The following DLG5 variants were observed in gnomAD, a reference collection of about 807,000 sequenced individuals.
DLG5 encodes the protein disks large homolog 5.
A neutral mutation model predicts 189.8 loss-of-function variants in DLG5; 48 were observed. The ratio of observed to expected loss-of-function variants is 0.25; its 90% CI spans 0.20 to 0.32. The LOEUF (loss-of-function observed/expected upper bound fraction) is 0.32. Ranked by LOEUF, DLG5 falls within the 10% of genes least tolerant of loss-of-function variation. The pLI is 1.00. For synonymous variants in DLG5, 1,016 were observed against 1,054.1 expected (o/e 0.96, Z 0.70); for missense variants, 2,160 against 2,544.7 (o/e 0.85, Z 3.25).
intron 7 of DLG5, among the ~76,000 whole-genome samples, chr10:77,841,049 T>C (rs1843391448): frequency 1.3e-5 from 2 of 152,126 alleles, no homozygotes; most frequent in Non-Finnish European, 2.9e-5. Context: ...AAAGGCAGAA[T>C]AGAGGGATGT....
intron 1 of DLG5, among the ~76,000 whole-genome samples, chr10:77,870,611 G>A (rs951978274): frequency 6.6e-6 from 1 of 152,114 alleles, no homozygotes; most frequent in Non-Finnish European, 1.5e-5. Flanking sequence ...CTAAGCCCAG[G>A]GAAGTCAAGG....
At chr10:77,893,928 G>A (rs369377615) in intron 1 of DLG5, among the ~76,000 whole-genome samples, 16 of 152,144 alleles carry the variant, frequency 1.1e-4, no homozygotes, top group African/African-American at 3.6e-4. Context: ...CGCGTGGCCC[G>A]CATGGGGCCT....
At chr10:77,806,486 G>A (rs1284700240) in intron 26 of DLG5, among the ~76,000 whole-genome samples, 3 of 152,170 alleles carry the variant, frequency 2.0e-5, no homozygotes, top group Non-Finnish European at 4.4e-5. Context: ...CTTTGAGGGA[G>A]CGGCAAGGCA....
intron 20 of DLG5, chr10:77,816,200 A>G (rs1389435237): frequency 1.6e-5 from 9 of 551,114 alleles, no homozygotes; most frequent in Non-Finnish European, 3.1e-5. Flanking sequence ...TAACAATAAT[A>G]ACGACACTGG....
chr10:77,894,233 G>T (rs1369946605), intron 1 of DLG5, among the ~76,000 whole-genome samples: 1 of 152,152 alleles, frequency 6.6e-6, no homozygotes, highest in Non-Finnish European at 1.5e-5. Flanking sequence ...CTGCCTGCCT[G>T]GGAATCCCAG....
chr10:77,816,874 A>G (rs1326853375), intron 19 of DLG5, 133 bp downstream of exon 19: 5 of 1,351,346 alleles, frequency 3.7e-6, no homozygotes, highest in Non-Finnish European at 5.2e-6. Context: ...CACCAGGCCT[A>G]CTGCTGGGCT....
At position 77,848,765 on chromosome 10, in the gene DLG5, G is replaced by A. The variant is rs186875156; in HGVS notation, c.864+4589C>T. Reference sequence around the variant, plus strand: ...ATTAAACTATATGGGTATTAAATGTGACATTAAAAAAAAAATCTACAAGGA... The same window carrying A: ...ATTAAACTATATGGGTATTAAATGTAACATTAAAAAAAAAATCTACAAGGA... On this transcript the variant is annotated intron_variant, in intron 5 of 31. Coordinates refer to ENST00000372391, the MANE Select transcript of DLG5 (RefSeq NM_004747.4). Among the ~76,000 whole-genome samples, 589 of 151,192 alleles carry A rather than the reference G, an allele frequency of 3.9e-3. 2 individuals carry two copies. Among genetic ancestry groups the A allele is most frequent in the Non-Finnish European group, 6.8e-3 (461 of 67,792 alleles).
chr10:77,867,085 T>C, intron 2 of DLG5: 1 of 456,860 alleles, frequency 2.2e-6, no homozygotes, highest in Middle Eastern at 3.3e-4. Context: ...GACGGCTCCA[T>C]CGCAAGGACT....
At chr10:77,811,480 C>A (rs1293735086) in intron 22 of DLG5, among the ~76,000 whole-genome samples, 1 of 152,090 alleles carries the variant, frequency 6.6e-6, no homozygotes, top group Non-Finnish European at 1.5e-5. Flanking sequence ...CTGTGAGCAT[C>A]CTGTCTCTTT....
chr10:77,827,605 A>C (rs1435766484), intron 13 of DLG5, among the ~76,000 whole-genome samples: 1 of 152,232 alleles, frequency 6.6e-6, no homozygotes, highest in Non-Finnish European at 1.5e-5. Flanking sequence ...TTTGTAGCTT[A>C]GTCTCAGAGA....
chr10:77,806,718 A>ACGCCCCCCCC, intron 26 of DLG5, 40 bp downstream of exon 26: 56 of 1,333,634 alleles, frequency 4.2e-5, no homozygotes, highest in Non-Finnish European at 5.6e-5. Context: ...GCCCTCGGCG[A>ACGCCCCCCCC]CCCCTGCCCC....
intron 1 of DLG5, among the ~76,000 whole-genome samples, chr10:77,911,835 G>T (rs1013420765): frequency 2.6e-5 from 4 of 151,724 alleles, no homozygotes; most frequent in Non-Finnish European, 4.4e-5. Context: ...GCTTGTTTAC[G>T]CATAAAAACG....
rs183951555 is a variant in DLG5, at chr10:77,872,178, C to T, written c.305-2981G>A. 1.1e-4 allele frequency among the ~76,000 whole-genome samples: 16 copies of T among 152,334 alleles called. No homozygotes were observed. In the East Asian group the frequency reaches 2.3e-3, roughly 22 times the overall value. ...CCCAGCTTACGACACTGGCAGCCTG[C>T]GCTCCAGATGCCTCTGCTGGAACGC... On this transcript the variant is annotated intron_variant, in intron 1 of 31. Transcript: ENST00000372391.
At chr10:77,883,934 G>A (rs1181192741) in intron 1 of DLG5, among the ~76,000 whole-genome samples, 1 of 152,122 alleles carries the variant, frequency 6.6e-6, no homozygotes, top group Non-Finnish European at 1.5e-5. Flanking sequence ...CCTGACCTCA[G>A]GGGATTCACC....
At chr10:77,833,757 C>CA (rs1842987059) in intron 9 of DLG5, among the ~76,000 whole-genome samples, 157 bp downstream of exon 9, 1 of 152,214 alleles carries the variant, frequency 6.6e-6, no homozygotes, top group African/African-American at 2.4e-5. Flanking sequence ...TACACACTGA[C>CA]AGAGTAAGGC....
chr10:77,886,440 C>T (rs1845443452), intron 1 of DLG5, among the ~76,000 whole-genome samples: 2 of 150,378 alleles, frequency 1.3e-5, no homozygotes, highest in Non-Finnish European at 2.9e-5. Context: ...GATCTCAGCT[C>T]ACTGCAACCT....
chr10:77,858,030 G>A (rs1844319101), intron 2 of DLG5, among the ~76,000 whole-genome samples: 1 of 152,176 alleles, frequency 6.6e-6, no homozygotes, highest in African/African-American at 2.4e-5. Flanking sequence ...CAAGACAAAA[G>A]CAGTGGCTTG....
intron 1 of DLG5, among the ~76,000 whole-genome samples, chr10:77,873,031 GCACA>G (rs1554826890): frequency 3.7e-4 from 17 of 45,504 alleles, no homozygotes; most frequent in East Asian, 3.6e-3. Flanking sequence ...GTGTGTGTGT[GCACA>G]CACACACACA....
chr10:77,878,629 C>T (rs1466191098), intron 1 of DLG5, among the ~76,000 whole-genome samples: 3 of 152,220 alleles, frequency 2.0e-5, no homozygotes, highest in Admixed American at 1.3e-4. Context: ...TCCCCCTCAA[C>T]CCAGCCATGA....
Sources: allele counts gnomAD v4.1 joint callset (sites outside exome capture counted in the v4.1 genomes callset), GRCh38; gene constraint gnomAD v4.1.1; transcripts MANE v1.5; gene names NCBI Gene and HGNC (gene_info 2026-07-23, HGNC 2026-07-21).